The following PPP6C variants were observed in gnomAD, a reference collection of about 807,000 sequenced individuals.
PPP6C encodes protein phosphatase 6 catalytic subunit.
Under a neutral mutation model 39.8 loss-of-function variants are expected in PPP6C, and 11 were observed. That is an observed-to-expected ratio of 0.28 (90% CI 0.17 to 0.46). PPP6C has a LOEUF of 0.46. Among genes scored for constraint, PPP6C ranks in the 20% least tolerant of loss-of-function variants. PPP6C has a pLI of 1.00. For missense variants in PPP6C, 211 were observed against 373.9 expected (o/e 0.56, Z 3.59); for synonymous variants, 129 against 130.3 (o/e 0.99, Z 0.07).
At chr9:125,189,096 G>A (rs148631965) in intron 1 of PPP6C, 199 of 604,402 alleles carry the variant, frequency 3.3e-4, no homozygotes, top group South Asian at 1.2e-3. Context: ...ATTTGGAGGA[G>A]TGGCAATGAA....
In PPP6C at chr9:125,149,683, T is replaced by C; in HGVS notation, c.908A>G (p.Tyr303Cys). 1 of 1,613,852 alleles carries C rather than the reference T, an allele frequency of 6.2e-7. No homozygotes were observed. The highest frequency in any genetic ancestry group is 8.5e-7 in the Non-Finnish European group (1 of 1,179,838). Residue 303 changes from tyrosine to cysteine, a missense_variant, in exon 7 of 7, where the codon TAT (tyrosine) becomes TGT (cysteine). By Grantham distance (194) the Tyr-to-Cys change is radical (BLOSUM62 -2). Coordinates refer to ENST00000373547, the MANE Select transcript of PPP6C (RefSeq NM_002721.5). Reference protein sequence around the residue: ...RVIPPRTTTPYFL With the variant: ...RVIPPRTTTPCFL Reference sequence around the variant, plus strand: ...GGATGGGCGAAGGCCTCAAAGGAAATATGGCGTTGTCGTTCTGGGAGGAAT... The same window carrying C: ...GGATGGGCGAAGGCCTCAAAGGAAACATGGCGTTGTCGTTCTGGGAGGAAT...
chr9:125,150,421 G>GGTGTGTGT (rs113973939), intron 6 of PPP6C, among the ~76,000 whole-genome samples: 5,252 of 149,892 alleles, frequency 0.035, 209 homozygotes, highest in African/African-American at 0.098. Context: ...CAATATAAGG[G>GGTGTGTGT]GTGTGTGTGT....
In PPP6C at chr9:125,149,542, TA is replaced by T. The variant is rs368232084; in HGVS notation, c.*130del. 0.028 allele frequency: 24,045 copies of T among 845,674 alleles called. 5 individuals carry two copies. Among genetic ancestry groups the T allele is most frequent in the Non-Finnish European group, 0.031 (18,646 of 606,278 alleles). The allele number at this position is 845,674 out of a possible 1,614,324, so 52.4% of individuals were successfully genotyped here. A position where few individuals can be genotyped will look rare whatever the true frequency, so the allele number is the denominator to read the frequency against. On this transcript the variant is annotated 3_prime_UTR_variant, in exon 7 of 7. Coordinates refer to ENST00000373547, the MANE Select transcript of PPP6C (RefSeq NM_002721.5). ...CAATAAATTTAGATAATTTAAAATT[TA>T]AAAAAAAAAAGGCAAGAGGCAGCAT...
chr9:125,174,525 T>C (rs1289076689), intron 1 of PPP6C, among the ~76,000 whole-genome samples: 1 of 151,346 alleles, frequency 6.6e-6, no homozygotes, highest in African/African-American at 2.4e-5. Context: ...GGTAGCTAGC[T>C]CCTGTTTGTG....
rs1588303369 is a variant in PPP6C at position 125,189,793 on chromosome 9, G to A, written c.-75C>T. The A allele has an allele frequency of 6.7e-7, 1 of 1,500,110 alleles. No homozygotes were observed. Among genetic ancestry groups the A allele is most frequent in the Admixed American group, 2.3e-5 (1 of 44,444 alleles). 92.9% of individuals were successfully genotyped at this position (1,500,110 alleles called of 1,614,324 possible). A position where few individuals can be genotyped will look rare whatever the true frequency, so the allele number is the denominator to read the frequency against. ...GGCGGCGGCAGCGGCGGAGGCCGAAGCCGGAACTTTCCCTGCGTCACGTCC... is the reference window on the plus strand; with the variant it reads ...GGCGGCGGCAGCGGCGGAGGCCGAAACCGGAACTTTCCCTGCGTCACGTCC... On this transcript the variant is annotated 5_prime_UTR_variant, in exon 1 of 7. Coordinates refer to ENST00000373547, the MANE Select transcript of PPP6C (RefSeq NM_002721.5).
At chr9:125,150,696 C>G (rs1313481543) in intron 6 of PPP6C, 1 of 911,768 alleles carries the variant, frequency 1.1e-6, no homozygotes, top group African/African-American at 1.7e-5. Flanking sequence ...GGGCTTATCT[C>G]AGAAAACTGC....
At position 125,149,424 on chromosome 9, in the gene PPP6C, A is replaced by C. The variant is rs1245982869; in HGVS notation, c.*249T>G. On this transcript the variant is annotated 3_prime_UTR_variant, in exon 7 of 7. Transcript: ENST00000373547. ...AGCTACATGCAGCAGTGTGAGTATT[A>C]AGACATTTCTCAAGTCTTCTCAAAT... The C allele has an allele frequency of 2.4e-6, 1 of 413,192 alleles. No individual in the cohort carries two copies. The highest frequency in any genetic ancestry group is 4.3e-6 in the Non-Finnish European group (1 of 233,030). 25.6% of individuals were successfully genotyped at this position (413,192 alleles called of 1,614,324 possible).
At chr9:125,154,738 G>C (rs1398960762) in intron 4 of PPP6C, among the ~76,000 whole-genome samples, 1 of 152,208 alleles carries the variant, frequency 6.6e-6, no homozygotes, top group Non-Finnish European at 1.5e-5. Flanking sequence ...ATAGGAGCAT[G>C]AGCAATTCCT....
intron 6 of PPP6C, chr9:125,151,091 G>A (rs912318487): frequency 1.5e-6 from 2 of 1,321,188 alleles, no homozygotes; most frequent in Admixed American, 1.7e-5. Context: ...GCAGAGCCAG[G>A]TGTCCTGAAG....
In PPP6C at chr9:125,148,058, A is replaced by T. The variant is rs947050807; in HGVS notation, c.*1615T>A. ...CTATATAATTAAAAACTATGTAAGG[A>T]GCTGGGTGGTTTGAGGGAAAAAAAT... On this transcript the variant is annotated 3_prime_UTR_variant, in exon 7 of 7. Coordinates refer to ENST00000373547, the MANE Select transcript of PPP6C (RefSeq NM_002721.5). 1 of 186,178 alleles carries T rather than the reference A, an allele frequency of 5.4e-6. No individual in the cohort carries two copies. Among genetic ancestry groups the T allele is most frequent in the African/African-American group, 2.4e-5 (1 of 41,558 alleles). The allele number at this position is 186,178 out of a possible 1,614,324, so 11.5% of individuals were successfully genotyped here. A position where few individuals can be genotyped will look rare whatever the true frequency, so the allele number is the denominator to read the frequency against.
intron 4 of PPP6C, among the ~76,000 whole-genome samples, chr9:125,156,026 T>C (rs1474106202): frequency 1.3e-5 from 2 of 152,162 alleles, no homozygotes; most frequent in Non-Finnish European, 2.9e-5. Context: ...AACATTAGTT[T>C]TAGTACTGTT....
rs1206612176 is a variant in PPP6C at position 125,148,913 on chromosome 9, A to C, written c.*760T>G. 1 of 152,204 alleles carries C rather than the reference A, an allele frequency of 6.6e-6. No homozygotes were observed. Among genetic ancestry groups the C allele is most frequent in the Non-Finnish European group, 1.5e-5 (1 of 68,022 alleles). 9.4% of individuals were successfully genotyped at this position (152,204 alleles called of 1,614,324 possible). ...TTTTAAACTCAATAACCAAAGGGTC[A>C]AGAACTCTGATTAGGAAAAAAGAAA... On this transcript the variant is annotated 3_prime_UTR_variant, in exon 7 of 7. Transcript: ENST00000373547.
chr9:125,172,720 A>G, intron 1 of PPP6C, among the ~76,000 whole-genome samples: 1 of 144,788 alleles, frequency 6.9e-6, no homozygotes, highest in African/African-American at 2.5e-5. Flanking sequence ...AATACACACA[A>G]ACACACACAC....
chr9:125,163,809 T>G (rs558497621), intron 2 of PPP6C, among the ~76,000 whole-genome samples: 78 of 152,136 alleles, frequency 5.1e-4, no homozygotes, highest in African/African-American at 1.8e-3. Flanking sequence ...TCTGCGTCAG[T>G]GATACATAGG....
intron 4 of PPP6C, among the ~76,000 whole-genome samples, chr9:125,155,454 G>C (rs944429937): frequency 3.3e-5 from 5 of 152,172 alleles, no homozygotes; most frequent in African/African-American, 1.2e-4. Context: ...AATGAGCTCA[G>C]GTTGCAGGCA....
At chr9:125,155,813 G>C (rs895985093) in intron 4 of PPP6C, among the ~76,000 whole-genome samples, 11 of 151,044 alleles carry the variant, frequency 7.3e-5, no homozygotes, top group Non-Finnish European at 1.3e-4. Context: ...GCGGAGGCAG[G>C]AGAATGGCGT....
At chr9:125,155,658 C>T (rs1167068873) in intron 4 of PPP6C, among the ~76,000 whole-genome samples, 2 of 152,164 alleles carry the variant, frequency 1.3e-5, no homozygotes, top group Non-Finnish European at 2.9e-5. Flanking sequence ...AATCCCAGCA[C>T]TTTGGGAGGC....
intron 2 of PPP6C, among the ~76,000 whole-genome samples, chr9:125,167,196 CAG>C (rs1008392445): frequency 1.3e-5 from 2 of 151,522 alleles, no homozygotes; most frequent in African/African-American, 4.9e-5. Flanking sequence ...GCCTGGCCAA[CAG>C]GGCAAAATCC....
intron 1 of PPP6C, among the ~76,000 whole-genome samples, chr9:125,171,476 CACATATATATAT>C (rs1213094290): frequency 7.7e-4 from 44 of 57,180 alleles, no homozygotes; most frequent in South Asian, 1.7e-3. Flanking sequence ...CACACACACA[CACATATATATAT>C]ATATATATAT....
Sources: allele counts gnomAD v4.1 joint callset (sites outside exome capture counted in the v4.1 genomes callset), GRCh38; gene constraint gnomAD v4.1.1; transcripts MANE v1.5; gene names NCBI Gene and HGNC (gene_info 2026-07-23, HGNC 2026-07-21).